RARS1: variants seen among roughly 807,000 people sequenced by gnomAD.
RARS1 encodes arginyl-tRNA synthetase 1, also known as arginine--tRNA ligase, cytoplasmic.
RARS1 carries 75 observed loss-of-function variants against 78.7 expected under a neutral mutation model. The ratio of observed to expected loss-of-function variants is 0.95; its 90% CI spans 0.79 to 1.15. RARS1 has a LOEUF of 1.15. Ranked by LOEUF, RARS1 falls within the 50% of genes most tolerant of loss-of-function variation. RARS1 has a pLI of 0.00. For missense variants in RARS1, 787 were observed against 787.5 expected, an observed-to-expected ratio of 1.00 and a Z score of 0.01; for synonymous variants, 273 against 268.2, an observed-to-expected ratio of 1.02 and a Z score of -0.18.
At chr5:168,496,970 C>G (rs1461468278) in intron 6 of RARS1, 2 of 315,892 alleles carry the variant, frequency 6.3e-6, no homozygotes, top group African/African-American at 2.1e-5. Context: ...AAAACACATT[C>G]ATTCAGCAAA....
chr5:168,502,380 A>T (rs1054488168), intron 9 of RARS1, among the ~76,000 whole-genome samples: 92 of 98,058 alleles, frequency 9.4e-4, no homozygotes, highest in African/African-American at 2.6e-3. Context: ...ATATATATAT[A>T]TATATTTTTT....
intron 11 of RARS1, among the ~76,000 whole-genome samples, chr5:168,508,486 G>C (rs913314553): frequency 4.6e-5 from 7 of 151,724 alleles, no homozygotes; most frequent in African/African-American, 1.5e-4. Context: ...TGGGCGTGGT[G>C]GTGGGCGCCT....
chr5:168,517,813 A>T lies in RARS1; in HGVS notation c.1626-2A>T. The T allele has an allele frequency of 1.3e-6, 2 of 1,597,608 alleles. No individual in the cohort carries two copies. Among genetic ancestry groups the T allele is most frequent in the Admixed American group, 1.7e-5 (1 of 57,238 alleles). Reference sequence around the variant, plus strand: ...CCTGATGATTTTTTTGTTTTTTTTAAGGTCTATTGCACGTCTGGCCAATAT... The same window carrying T: ...CCTGATGATTTTTTTGTTTTTTTTATGGTCTATTGCACGTCTGGCCAATAT... On this transcript the variant is annotated splice_acceptor_variant, in intron 13 of 14. Coordinates refer to ENST00000231572, the MANE Select transcript of RARS1 (RefSeq NM_002887.4). LOFTEE classifies it high-confidence loss of function.
chr5:168,517,067 T>G (rs892089973), intron 13 of RARS1, 117 bp downstream of exon 13: 42 of 1,078,972 alleles, frequency 3.9e-5, no homozygotes, highest in Non-Finnish European at 5.3e-5. Context: ...CAAATGATCC[T>G]CCCACCTCAG....
At chr5:168,488,378 T>G (rs1758012995) in intron 1 of RARS1, 1 of 469,028 alleles carries the variant, frequency 2.1e-6, no homozygotes, top group African/African-American at 2.0e-5. Context: ...TCCACCTGCC[T>G]AGGCCTCCCA....
In RARS1 at chr5:168,502,107, T is replaced by C; in HGVS notation, c.1057+2T>C. The C allele has an allele frequency of 6.9e-6, 11 of 1,586,096 alleles. No individual in the cohort carries two copies. Among genetic ancestry groups the C allele is most frequent in the South Asian group, 2.4e-5 (2 of 84,934 alleles). ...TTGTAAAGGAATTTGAAGATAGAGGTAGGCACTCTTCTTTTAACTTTTTAT... is the reference window on the plus strand; with the variant it reads ...TTGTAAAGGAATTTGAAGATAGAGGCAGGCACTCTTCTTTTAACTTTTTAT... On this transcript the variant is annotated splice_donor_variant, in intron 9 of 14. Coordinates refer to ENST00000231572, the MANE Select transcript of RARS1 (RefSeq NM_002887.4). LOFTEE classifies it high-confidence loss of function.
rs148979953 is a variant in RARS1 at position 168,517,839 on chromosome 5, T to G, written c.1650T>G (p.Ile550Met). The change falls in exon 14 of 15, where the codon ATT becomes ATG. Residue 550 changes from isoleucine (I) to methionine (M), a missense_variant. Transcript: ENST00000231572. ...GGTCTATTGCACGTCTGGCCAATATTGATGAAGAAATGCTCCAAAAAGCTG... is the reference window on the plus strand; with the variant it reads ...GGTCTATTGCACGTCTGGCCAATATGGATGAAGAAATGCTCCAAAAAGCTG... Reference protein sequence around the residue: ...RIRSIARLANIDEEMLQKAAR... With the variant: ...RIRSIARLANMDEEMLQKAAR... 6.2e-7 allele frequency: 1 copy of G among 1,613,822 alleles called. No homozygotes were observed. Among genetic ancestry groups the G allele is most frequent in the African/African-American group, 1.3e-5 (1 of 74,930 alleles).
intron 10 of RARS1, among the ~76,000 whole-genome samples, chr5:168,506,467 T>C (rs890855764): frequency 6.6e-6 from 1 of 152,218 alleles, no homozygotes; most frequent in East Asian, 1.9e-4. Flanking sequence ...TAAAATGTAA[T>C]TGAAGTTTTT....
intron 10 of RARS1, among the ~76,000 whole-genome samples, chr5:168,506,449 G>A (rs1391982919): frequency 2.6e-5 from 4 of 152,224 alleles, no homozygotes; most frequent in Non-Finnish European, 5.9e-5. Flanking sequence ...TAGGGTTATT[G>A]TGAGACCTAA....
At chr5:168,491,944 A>AC (rs1342745801) in intron 2 of RARS1, among the ~76,000 whole-genome samples, 1 of 121,662 alleles carries the variant, frequency 8.2e-6, no homozygotes, top group African/African-American at 3.1e-5. Flanking sequence ...TGTGTCATTC[A>AC]CCTTTTTTTT....
intron 11 of RARS1, among the ~76,000 whole-genome samples, chr5:168,508,014 G>T (rs764431573): frequency 7.9e-5 from 12 of 152,102 alleles, no homozygotes; most frequent in Non-Finnish European, 1.2e-4. Context: ...GACAGAGTGA[G>T]ACTGTGTCTC....
chr5:168,494,722 C>T (rs1262344467), intron 5 of RARS1, 72 bp downstream of exon 5: 4 of 1,091,128 alleles, frequency 3.7e-6, no homozygotes, highest in Non-Finnish European at 5.5e-6. Context: ...TGGTATGTGC[C>T]TATAGTCTCA....
rs34446466 is a variant in RARS1, at chr5:168,492,684, C to T, written c.206C>T (p.Pro69Leu). 1.2e-4 allele frequency: 195 copies of T among 1,607,368 alleles called. No homozygotes were observed. The African/African-American group carries it at 1.5e-3, about 12-fold the overall frequency. Residue 69 changes from proline to leucine, a missense_variant, in exon 3 of 15, where the codon CCA (proline) becomes CTA (leucine). Transcript: ENST00000231572. The stretch of plus-strand genomic sequence containing the variant: ...AGTCTTCAGGCAGAAAGGAACAAAC[C>T]AACTAAAAATATGATTAACATTATT... Reference protein sequence around the residue: ...RKSLQAERNKPTKNMINIISR... With the variant: ...RKSLQAERNKLTKNMINIISR...
At chr5:168,497,140 T>A in intron 6 of RARS1, 88 bp from the exon 7 acceptor site, 1 of 1,054,310 alleles carries the variant, frequency 9.5e-7, no homozygotes, top group Non-Finnish European at 1.3e-6. Context: ...TAAATATTAG[T>A]GGTTCCTAAT....
intron 12 of RARS1, among the ~76,000 whole-genome samples, chr5:168,511,841 T>C (rs1272561978): frequency 6.6e-6 from 1 of 152,172 alleles, no homozygotes; most frequent in Non-Finnish European, 1.5e-5. Context: ...CCCTTTTCCA[T>C]GTGCATCAGT....
chr5:168,509,533 A>T (rs1234290407), intron 11 of RARS1, among the ~76,000 whole-genome samples: 1 of 150,764 alleles, frequency 6.6e-6, no homozygotes, highest in East Asian at 2.0e-4. Context: ...TTTTCTCAAA[A>T]TGCTTTTTAA....
At chr5:168,506,356 C>T (rs1352838213) in intron 10 of RARS1, among the ~76,000 whole-genome samples, 157 bp downstream of exon 10, 1 of 152,154 alleles carries the variant, frequency 6.6e-6, no homozygotes, top group Non-Finnish European at 1.5e-5. Context: ...AGGGTTTGGA[C>T]CCAGCCAAAC....
chr5:168,492,537 A>T, intron 2 of RARS1, 122 bp from the exon 3 acceptor site: 1 of 816,696 alleles, frequency 1.2e-6, no homozygotes, highest in Non-Finnish European at 1.9e-6. Context: ...ATCACACCAT[A>T]AGTACGTTTT....
At position 168,506,196 on chromosome 5, in the gene RARS1, A is replaced by G. The variant is rs781687285; in HGVS notation, c.1233A>G (p.Gly411=). The part of the protein sequence containing the change: ...ADMIIYVVDN[G]QSVHFQTIFA... ...TGATTATCTATGTTGTGGACAATGGACAAGTGAGTTTGTAAATTTGTATGT... is the reference window on the plus strand; with the variant it reads ...TGATTATCTATGTTGTGGACAATGGGCAAGTGAGTTTGTAAATTTGTATGT... The change falls in exon 10 of 15, where the codon GGA becomes GGG. Residue 411 remains glycine (G), a synonymous_variant. Transcript: ENST00000231572. The G allele has an allele frequency of 6.4e-7, 1 of 1,558,880 alleles. No individual in the cohort carries two copies. The highest frequency in any genetic ancestry group is 8.7e-7 in the Non-Finnish European group (1 of 1,149,580).
Sources: gnomAD v4.1 joint callset for allele counts (sites outside exome capture counted in the v4.1 genomes callset) on GRCh38, gnomAD v4.1.1 for gene constraint, MANE v1.5 for transcripts, NCBI Gene and HGNC (gene_info 2026-07-23, HGNC 2026-07-21) for gene names.